Variants in AP1B1 observed in about 807,000 individuals in gnomAD.
The protein encoded by AP1B1 is AP-1 complex subunit beta-1.
AP1B1 carries 36 observed loss-of-function variants against 104.3 expected under a neutral mutation model. The observed-to-expected ratio is 0.35, with a 90% confidence interval of 0.26 to 0.46. The LOEUF (loss-of-function observed/expected upper bound fraction) is 0.46. AP1B1 is among the 20% of genes least tolerant of loss of function. The pLI is 1.00. For missense variants in AP1B1, 901 were observed against 1,247.9 expected (o/e 0.72, Z 4.19); for synonymous variants, 504 against 517.5 (o/e 0.97, Z 0.35).
Position 29,356,594 on chromosome 22 carries a change from G to A in AP1B1, c.548C>T (p.Ala183Val). ...NPMVVANAVAALSEIAESHPS... is the reference protein window; with the variant it reads ...NPMVVANAVAVLSEIAESHPS... Reference sequence around the variant, plus strand: ...GTGAGACTCGGCAATTTCTGAGAGCGCTGCCACTGCATTGGCCACCACCTG... The same window carrying A: ...GTGAGACTCGGCAATTTCTGAGAGCACTGCCACTGCATTGGCCACCACCTG... Residue 183 changes from alanine (A) to valine (V), a missense_variant, in exon 6 of 23, where the codon GCG becomes GTG. Physicochemically the swap from Ala to Val is moderately conservative, Grantham distance 64. Around this residue, in one of 3 missense-constraint regions of AP1B1, gnomAD observed 471 missense variants for 696.7 expected, o/e 0.68. Transcript: ENST00000357586. 3 of 1,614,022 alleles carry A rather than the reference G, an allele frequency of 1.9e-6. No individual in the cohort carries two copies. The highest frequency in any genetic ancestry group is 1.1e-5 in the South Asian group (1 of 91,062).
chr22:29,339,357 T>C (rs1187350386), intron 15 of AP1B1, among the ~76,000 whole-genome samples: 1 of 152,058 alleles, frequency 6.6e-6, no homozygotes, highest in Non-Finnish European at 1.5e-5. Context: ...GAGTAACCTC[T>C]GGGAAAGGGC....
chr22:29,334,656 C>T (rs896400953), intron 16 of AP1B1, among the ~76,000 whole-genome samples: 2 of 152,172 alleles, frequency 1.3e-5, no homozygotes, highest in Non-Finnish European at 2.9e-5. Flanking sequence ...GGCACTTCAG[C>T]GCTCCAGGGC....
intron 1 of AP1B1, among the ~76,000 whole-genome samples, chr22:29,377,110 C>T (rs1458160089): frequency 1.4e-5 from 2 of 144,570 alleles, no homozygotes; most frequent in South Asian, 2.2e-4. Flanking sequence ...GTGGAAGAAT[C>T]GCTTGAACCT....
At chr22:29,330,826 G>T in intron 19 of AP1B1, 117 bp from the exon 20 acceptor site, 1 of 828,878 alleles carries the variant, frequency 1.2e-6, no homozygotes, top group Non-Finnish European at 1.9e-6. Context: ...CTGACAACAG[G>T]CACTAGCTGC....
chr22:29,351,776 C>A lies in AP1B1; in HGVS notation c.988G>T (p.Asp330Tyr). Residue 330 changes from aspartate (D) to tyrosine (Y), a missense_variant, in exon 8 of 23, where the codon GAC becomes TAC. Asp to Tyr is a radical substitution (Grantham distance 160). This residue lies in a region of AP1B1 where 471 missense variants were observed against 696.7 expected (regional missense o/e 0.68). Coordinates refer to ENST00000357586, the MANE Select transcript of AP1B1 (RefSeq NM_001127.4). Reference sequence around the variant, plus strand: ...TTCTCCAGCTTCACGTAGATAGGGTCGTTGTACTTCACGAAGAACACCTTC... The same window carrying A: ...TTCTCCAGCTTCACGTAGATAGGGTAGTTGTACTTCACGAAGAACACCTTC... Reference protein sequence around the residue: ...EMKVFFVKYNDPIYVKLEKLD... With the variant: ...EMKVFFVKYNYPIYVKLEKLD... 1 of 1,614,150 alleles carries A rather than the reference C, an allele frequency of 6.2e-7. No homozygotes were observed. The highest frequency in any genetic ancestry group is 1.7e-5 in the Admixed American group (1 of 60,018).
intron 11 of AP1B1, 37 bp downstream of exon 11, chr22:29,349,181 A>G: frequency 6.2e-7 from 1 of 1,604,842 alleles, no homozygotes; most frequent in East Asian, 2.2e-5. Context: ...CTGAGCTGCC[A>G]GTCATGACTC....
At chr22:29,357,561 TCACTATGTTGGC>T (rs1347563287) in intron 5 of AP1B1, among the ~76,000 whole-genome samples, 1 of 152,146 alleles carries the variant, frequency 6.6e-6, no homozygotes, top group African/African-American at 2.4e-5. Context: ...AGACAGGGTT[TCACTATGTTGGC>T]CAGGCTGGTC....
intron 7 of AP1B1, among the ~76,000 whole-genome samples, chr22:29,352,437 C>T (rs2061891349): frequency 6.6e-6 from 1 of 152,176 alleles, no homozygotes; most frequent in Non-Finnish European, 1.5e-5. Flanking sequence ...ATAGGCTTTC[C>T]TGGGCAGAAA....
chr22:29,384,394 G>A (rs1454919285), intron 1 of AP1B1, among the ~76,000 whole-genome samples: 1 of 152,202 alleles, frequency 6.6e-6, no homozygotes, highest in African/African-American at 2.4e-5. Context: ...GAGGTGACAT[G>A]AGGATGGACA....
intron 3 of AP1B1, 82 bp from the exon 4 acceptor site, chr22:29,360,041 G>T: frequency 6.8e-7 from 1 of 1,480,624 alleles, no homozygotes; most frequent in Non-Finnish European, 9.2e-7. Context: ...TAGTGGGTGA[G>T]AGGACAGTGG....
At chr22:29,380,256 T>C (rs191731747) in intron 1 of AP1B1, among the ~76,000 whole-genome samples, 1 of 152,288 alleles carries the variant, frequency 6.6e-6, no homozygotes, top group Admixed American at 6.5e-5. Context: ...CAGTCTCCTT[T>C]GCTTGTTCCT....
intron 18 of AP1B1, 39 bp from the exon 19 acceptor site, chr22:29,331,572 G>C (rs751675262): frequency 1.2e-6 from 2 of 1,609,360 alleles, no homozygotes; most frequent in Admixed American, 3.3e-5. Context: ...TCTGGGGCTT[G>C]ACGCCACCTC....
intron 11 of AP1B1, among the ~76,000 whole-genome samples, chr22:29,346,807 C>T (rs562345840): frequency 5.3e-5 from 8 of 151,308 alleles, no homozygotes; most frequent in Non-Finnish European, 8.8e-5. Context: ...GGGGGGGTGA[C>T]GGTGGGAATT....
chr22:29,331,862 G>A lies in AP1B1; in HGVS notation c.2364C>T (p.Asn788=). Residue 788 remains asparagine (N), a synonymous_variant, in exon 18 of 23, where the codon AAC becomes AAT. Coordinates refer to ENST00000357586, the MANE Select transcript of AP1B1 (RefSeq NM_001127.4). Reference sequence around the variant, plus strand: ...GAGGCAGGGAGATCTCCACTGTCTGGTTGGGGCTGAGTGGCGCGTGGACCT... The same window carrying A: ...GAGGCAGGGAGATCTCCACTGTCTGATTGGGGCTGAGTGGCGCGTGGACCT... ...PLQVHAPLSP[N]QTVEISLPLS... The A allele has an allele frequency of 6.2e-7, 1 of 1,614,024 alleles. No homozygotes were observed. Among genetic ancestry groups the A allele is most frequent in the Non-Finnish European group, 8.5e-7 (1 of 1,179,962 alleles).
At chr22:29,376,956 GA>G in intron 1 of AP1B1, among the ~76,000 whole-genome samples, 1 of 152,238 alleles carries the variant, frequency 6.6e-6, no homozygotes, top group Admixed American at 6.5e-5. Flanking sequence ...AGCACTTTGG[GA>G]GGCCGAGGTG....
intron 1 of AP1B1, among the ~76,000 whole-genome samples, chr22:29,368,299 GAA>G (rs894890435): frequency 1.4e-5 from 2 of 147,038 alleles, no homozygotes; most frequent in African/African-American, 5.0e-5. Flanking sequence ...CTCTGTCTCA[GAA>G]AAAAAAAAGA....
At chr22:29,334,625 C>T (rs1006204389) in intron 16 of AP1B1, among the ~76,000 whole-genome samples, 3 of 152,226 alleles carry the variant, frequency 2.0e-5, no homozygotes, top group African/African-American at 4.8e-5. Context: ...GGCTGCCTCT[C>T]GGAGCAGCTC....
chr22:29,359,726 G>T (rs1244676100), intron 4 of AP1B1, 98 bp downstream of exon 4: 18 of 1,490,050 alleles, frequency 1.2e-5, no homozygotes, highest in Non-Finnish European at 1.6e-5. Flanking sequence ...TGAAGGTCTG[G>T]ACTCCATCCA....
chr22:29,341,565 G>C lies in AP1B1; in HGVS notation c.1732C>G (p.Pro578Ala). The C allele has an allele frequency of 6.2e-7, 1 of 1,614,222 alleles. No homozygotes were observed. Among genetic ancestry groups the C allele is most frequent in the Non-Finnish European group, 8.5e-7 (1 of 1,180,034 alleles). Residue 578 changes from proline (P) to alanine (A), a missense_variant, in exon 13 of 23, where the codon CCC becomes GCC. By Grantham distance (27) the Pro-to-Ala change is conservative. Coordinates refer to ENST00000357586, the MANE Select transcript of AP1B1 (RefSeq NM_001127.4). ...GTLASVYHKP[P>A]SAFVEGGRGV... ...CGGCCCCCCTCCACAAAGGCACTGG[G>C]AGGCTTATGGTAGACGGAAGCCAGC...
Sources: allele counts gnomAD v4.1 joint callset (sites outside exome capture counted in the v4.1 genomes callset), GRCh38; gene constraint gnomAD v4.1.1; regional missense constraint gnomAD v4.1.1; transcripts MANE v1.5; gene names NCBI Gene and HGNC (gene_info 2026-07-23, HGNC 2026-07-21).